The following MAF variants were observed in gnomAD, a reference collection of about 807,000 sequenced individuals.
MAF encodes the protein transcription factor Maf.
In MAF, 10 loss-of-function variants were observed where a neutral mutation model predicts 22.0. The observed-to-expected ratio is 0.45, with a 90% CI of 0.28 to 0.77. The LOEUF (loss-of-function observed/expected upper bound fraction) is 0.77, where lower values mean the gene tolerates loss of function less well. Ranked by LOEUF, MAF falls within the 30% of genes least tolerant of loss-of-function variation. The pLI, the probability that MAF is intolerant of heterozygous loss-of-function variation, is 0.12. For synonymous variants in MAF, 337 were observed against 255.8 expected (o/e 1.32, Z -3.03); for missense variants, 544 against 548.4 (o/e 0.99, Z 0.08).
the MAF span, among the ~76,000 whole-genome samples, chr16:79,446,146 T>G: frequency 2.0e-5 from 3 of 152,188 alleles, no homozygotes; most frequent in Non-Finnish European, 4.4e-5. Flanking sequence ...TTATTTTATC[T>G]CATTTTCATC....
chr16:79,348,431 C>T, the MAF span, among the ~76,000 whole-genome samples: 1 of 152,264 alleles, frequency 6.6e-6, no homozygotes, highest in East Asian at 1.9e-4. Context: ...AAACAGGATA[C>T]GGGGTCCATT....
the MAF span, among the ~76,000 whole-genome samples, chr16:79,358,585 C>A: frequency 1.3e-5 from 2 of 152,166 alleles, no homozygotes; most frequent in African/African-American, 4.8e-5. Flanking sequence ...CCCACCTTGG[C>A]AGCTGCTCAC....
the MAF span, among the ~76,000 whole-genome samples, chr16:79,274,276 G>GA: frequency 1.1e-4 from 16 of 149,002 alleles, no homozygotes; most frequent in Non-Finnish European, 1.9e-4. Context: ...TTAATTTTCA[G>GA]AAAAAAGAAC....
downstream of MAF, among the ~76,000 whole-genome samples, chr16:79,591,524 T>C (rs112930755): frequency 6.6e-5 from 10 of 152,328 alleles, no homozygotes; most frequent in African/African-American, 2.4e-4. Context: ...ACGAATTGTG[T>C]TGAACAAGAG....
the MAF span, among the ~76,000 whole-genome samples, chr16:79,548,144 C>G: frequency 9.1e-4 from 139 of 152,142 alleles, no homozygotes; most frequent in African/African-American, 3.2e-3. Flanking sequence ...TGGTCAATTT[C>G]TTTTCAAGAT....
In MAF at chr16:79,599,087, G is replaced by T; in HGVS notation, c.816C>A (p.Arg272=). The change falls in exon 1 of 2, where the codon CGC becomes CGA. Residue 272 remains arginine, a synonymous_variant. Transcript: ENST00000326043. ...SDEQLVTMSV[R]ELNRQLRGVS... ...CCCCGCGCAGCTGCCGGTTCAGCTC[G>T]CGCACAGACATGGTCACCAGCTGCT... The T allele has an allele frequency of 6.2e-7, 1 of 1,608,932 alleles. No homozygotes were observed. The highest frequency in any genetic ancestry group is 8.5e-7 in the Non-Finnish European group (1 of 1,179,566).
At chr16:79,555,868 G>A in the MAF span, among the ~76,000 whole-genome samples, 57 of 152,296 alleles carry the variant, frequency 3.7e-4, 1 homozygote, top group Middle Eastern at 0.014. Context: ...AAGAATTTGG[G>A]ATAGGGATAT....
At chr16:79,375,764 T>C in the MAF span, among the ~76,000 whole-genome samples, 2 of 152,132 alleles carry the variant, frequency 1.3e-5, no homozygotes, top group Non-Finnish European at 2.9e-5. Flanking sequence ...TTACACCCAA[T>C]GAAATAATCA....
At chr16:79,485,692 T>C in the MAF span, among the ~76,000 whole-genome samples, 1 of 152,178 alleles carries the variant, frequency 6.6e-6, no homozygotes, top group African/African-American at 2.4e-5. Context: ...ACTATTACAC[T>C]TGCAATGTGT....
In MAF at chr16:79,599,160, G is replaced by T. The variant is rs764041224; in HGVS notation, c.743C>A (p.Pro248Gln). 5.3e-6 allele frequency: 8 copies of T among 1,515,838 alleles called. No homozygotes were observed. In the Admixed American group the frequency reaches 7.8e-5, roughly 15 times the overall value. The allele number at this position is 1,515,838 out of a possible 1,614,324, so 93.9% of individuals were successfully genotyped here. A position where few individuals can be genotyped will look rare whatever the true frequency, so the allele number is the denominator to read the frequency against. Reference protein sequence around the residue: ...GAAGAGGALHPHHAAGGLHFD... With the variant: ...GAAGAGGALHQHHAAGGLHFD... ...GTGCAGGCCGCCGGCGGCGTGGTGC[G>T]GGTGCAGGGCGCCCCCCGCCCCCGC... is the stretch of plus-strand genomic sequence containing the variant. The change falls in exon 1 of 2, where the codon CCG becomes CAG. Residue 248 changes from proline to glutamine, a missense_variant. By Grantham distance (76) the Pro-to-Gln change is moderately conservative. Around this residue, in one of 5 missense-constraint regions of MAF, gnomAD observed 342 missense variants for 315.5 expected, o/e 1.08. Transcript: ENST00000326043.
At chr16:79,370,565 G>A in the MAF span, among the ~76,000 whole-genome samples, 1 of 152,226 alleles carries the variant, frequency 6.6e-6, no homozygotes, top group African/African-American at 2.4e-5. Flanking sequence ...GAACCAGTGT[G>A]TTTGCAGAGG....
the MAF span, among the ~76,000 whole-genome samples, chr16:79,307,402 G>A: frequency 5.9e-5 from 9 of 152,306 alleles, no homozygotes; most frequent in South Asian, 6.2e-4. Flanking sequence ...ATGAGCTCAC[G>A]GGCTGGACTT....
the MAF span, among the ~76,000 whole-genome samples, chr16:79,221,509 A>G: frequency 1.3e-5 from 2 of 152,362 alleles, no homozygotes; most frequent in East Asian, 3.9e-4. Context: ...TTCAATCTGA[A>G]TAGCAAATAT....
the MAF span, among the ~76,000 whole-genome samples, chr16:79,580,263 T>C: frequency 6.6e-6 from 1 of 152,208 alleles, no homozygotes; most frequent in African/African-American, 2.4e-5. Context: ...GGTCATGTGC[T>C]ATTTCATGAC....
chr16:79,320,046 C>T, the MAF span, among the ~76,000 whole-genome samples: 2 of 152,112 alleles, frequency 1.3e-5, no homozygotes, highest in Admixed American at 1.3e-4. Context: ...TCCAACCAAC[C>T]TTGGGTTGCA....
chr16:79,576,703 G>C, the MAF span, among the ~76,000 whole-genome samples: 4 of 152,160 alleles, frequency 2.6e-5, no homozygotes, highest in East Asian at 1.9e-4. Context: ...AGGTGTCAAG[G>C]TCAAATTTTT....
At chr16:79,411,842 A>T in the MAF span, among the ~76,000 whole-genome samples, 1 of 152,090 alleles carries the variant, frequency 6.6e-6, no homozygotes, top group African/African-American at 2.4e-5. Flanking sequence ...GTCTTCCTCA[A>T]CCACCCAGGC....
At chr16:79,347,700 C>T in the MAF span, among the ~76,000 whole-genome samples, 1 of 152,124 alleles carries the variant, frequency 6.6e-6, no homozygotes, top group East Asian at 1.9e-4. Context: ...TATCAAGGTC[C>T]AGAGGGGTTG....
At chr16:79,585,468 G>A (rs544053976), downstream of MAF, among the ~76,000 whole-genome samples, 12 of 152,066 alleles carry the variant, frequency 7.9e-5, no homozygotes, top group South Asian at 2.1e-3. Context: ...GGCCAAGGGC[G>A]ATGGATACTA....
Sources: gnomAD v4.1 joint callset for allele counts (sites outside exome capture counted in the v4.1 genomes callset) on GRCh38, gnomAD v4.1.1 for gene constraint, gnomAD v4.1.1 regional missense constraint, MANE v1.5 for transcripts, NCBI Gene and HGNC (gene_info 2026-07-23, HGNC 2026-07-21) for gene names.